Variants in ARIH1 observed in about 807,000 individuals in gnomAD.
The protein encoded by ARIH1 is E3 ubiquitin-protein ligase ARIH1.
A neutral mutation model predicts 85.0 loss-of-function variants in ARIH1; 8 were observed. That is an observed-to-expected ratio of 0.09 (90% confidence interval 0.06 to 0.17). ARIH1 has a LOEUF of 0.17. Ranked by LOEUF, ARIH1 falls within the 10% of genes least tolerant of loss-of-function variation. The probability of loss-of-function intolerance (pLI) is 1.00; values close to 1 mark genes in which losing one functional copy is unlikely to be tolerated. For synonymous variants in ARIH1, 238 were observed against 253.6 expected, an observed-to-expected ratio of 0.94 and a Z score of 0.59; for missense variants, 311 against 718.1, an observed-to-expected ratio of 0.43 and a Z score of 6.48.
intron 9 of ARIH1, among the ~76,000 whole-genome samples, chr15:72,568,179 CAT>C (rs1371840218): frequency 6.6e-6 from 1 of 152,070 alleles, no homozygotes; most frequent in Non-Finnish European, 1.5e-5. Context: ...TCACGATAAG[CAT>C]AACTCACGTC....
chr15:72,599,213 G>A lies in ARIH1; in HGVS notation c.*15921G>A, dbSNP rs555825273. ...AATTTTTGTATTTTTAGTAGAGACA[G>A]GGTTTCACCATGTTGGCCAGGTTGG... On this transcript the variant is annotated 3_prime_UTR_variant, in exon 14 of 14. Coordinates refer to ENST00000379887, the MANE Select transcript of ARIH1 (RefSeq NM_005744.5). 1 of 152,000 alleles carries A rather than the reference G, an allele frequency of 6.6e-6. No individual in the cohort carries two copies. Among genetic ancestry groups the A allele is most frequent in the Non-Finnish European group, 1.5e-5 (1 of 68,024 alleles). The allele number at this position is 152,000 out of a possible 1,614,324, so 9.4% of individuals were successfully genotyped here. A position where few individuals can be genotyped will look rare whatever the true frequency, so the allele number is the denominator to read the frequency against.
At chr15:72,550,330 G>A (rs2064148126) in intron 3 of ARIH1, among the ~76,000 whole-genome samples, 1 of 152,134 alleles carries the variant, frequency 6.6e-6, no homozygotes, top group African/African-American at 2.4e-5. Context: ...AAAAGGTTGA[G>A]ACTTAAAGTG....
intron 1 of ARIH1, among the ~76,000 whole-genome samples, chr15:72,496,081 A>G (rs1287628440): frequency 6.6e-6 from 1 of 152,014 alleles, no homozygotes; most frequent in African/African-American, 2.4e-5. Flanking sequence ...TAATTAAAAA[A>G]AATTTTTTTT....
chr15:72,555,208 C>T, intron 3 of ARIH1, 63 bp from the exon 4 acceptor site: 4 of 1,228,062 alleles, frequency 3.3e-6, no homozygotes, highest in Non-Finnish European at 2.4e-6. Context: ...CCTGTTGAGT[C>T]ACTGTTTATA....
At chr15:72,515,254 T>C (rs2063970013) in intron 1 of ARIH1, among the ~76,000 whole-genome samples, 1 of 152,118 alleles carries the variant, frequency 6.6e-6, no homozygotes, top group Admixed American at 6.5e-5. Context: ...GGAGAATTGC[T>C]TGAACCCGGG....
intron 2 of ARIH1, among the ~76,000 whole-genome samples, chr15:72,524,335 C>T (rs1321072930): frequency 6.6e-6 from 1 of 150,972 alleles, no homozygotes; most frequent in Non-Finnish European, 1.5e-5. Context: ...CAACCTCTGC[C>T]TCCCGGTTCA....
At chr15:72,547,084 C>T (rs550189528) in intron 3 of ARIH1, among the ~76,000 whole-genome samples, 19 of 150,628 alleles carry the variant, frequency 1.3e-4, no homozygotes, top group South Asian at 4.2e-4. Context: ...TCTGCCATCA[C>T]GCCTGGCTGA....
intron 11 of ARIH1, among the ~76,000 whole-genome samples, chr15:72,579,488 C>T (rs892034484): frequency 6.6e-6 from 1 of 152,140 alleles, no homozygotes; most frequent in African/African-American, 2.4e-5. Flanking sequence ...CTGCTTTTTG[C>T]TTGTTTTACA....
At chr15:72,555,127 G>T (rs1364005522) in intron 3 of ARIH1, 144 bp from the exon 4 acceptor site, 2 of 609,810 alleles carry the variant, frequency 3.3e-6, no homozygotes, top group East Asian at 5.6e-5. Flanking sequence ...ACCATGAAAA[G>T]TTCATTTTAG....
intron 3 of ARIH1, among the ~76,000 whole-genome samples, chr15:72,552,572 G>C (rs1313762840): frequency 6.6e-6 from 1 of 152,074 alleles, no homozygotes; most frequent in Non-Finnish European, 1.5e-5. Context: ...TTACAGGCGT[G>C]AGCCACCGTG....
chr15:72,526,860 CTTTTTT>C (rs58241698), intron 2 of ARIH1, among the ~76,000 whole-genome samples: 14 of 138,148 alleles, frequency 1.0e-4, no homozygotes, highest in Middle Eastern at 3.3e-3. Flanking sequence ...CTGTCTAATG[CTTTTTT>C]TTTTTTTTTT....
intron 1 of ARIH1, among the ~76,000 whole-genome samples, chr15:72,477,867 G>A (rs150092178): frequency 1.3e-5 from 2 of 151,998 alleles, no homozygotes; most frequent in African/African-American, 2.4e-5. Context: ...GTGCAGTCGC[G>A]TGATCTCAGC....
intron 9 of ARIH1, 135 bp from the exon 10 acceptor site, chr15:72,570,042 C>A: frequency 1.1e-6 from 1 of 950,994 alleles, no homozygotes; most frequent in African/African-American, 1.7e-5. Flanking sequence ...CAACACTGTT[C>A]TAAGTGCTTT....
intron 2 of ARIH1, among the ~76,000 whole-genome samples, chr15:72,525,779 CCT>C (rs2064024930): frequency 6.6e-6 from 1 of 151,966 alleles, no homozygotes; most frequent in Non-Finnish European, 1.5e-5. Context: ...TTCGGTGACC[CCT>C]GTGTTCCTCC....
chr15:72,547,192 G>C (rs1304301419), intron 3 of ARIH1, among the ~76,000 whole-genome samples: 1 of 151,802 alleles, frequency 6.6e-6, no homozygotes, highest in Non-Finnish European at 1.5e-5. Context: ...ATGCCAAAGT[G>C]CTGGGATTAC....
intron 1 of ARIH1, among the ~76,000 whole-genome samples, chr15:72,491,591 A>G (rs1042587307): frequency 6.6e-6 from 1 of 152,218 alleles, no homozygotes; most frequent in Non-Finnish European, 1.5e-5. Context: ...ATTGATAAAA[A>G]TAAGTCTTGG....
intron 2 of ARIH1, among the ~76,000 whole-genome samples, chr15:72,531,937 TTGTC>T (rs1162740138): frequency 6.6e-6 from 1 of 152,194 alleles, no homozygotes; most frequent in East Asian, 1.9e-4. Context: ...AAGCAACTAT[TTGTC>T]TGTTAAAGGG....
chr15:72,513,723 C>T (rs2063960454), intron 1 of ARIH1, among the ~76,000 whole-genome samples: 1 of 49,886 alleles, frequency 2.0e-5, no homozygotes, highest in Non-Finnish European at 4.0e-5. Flanking sequence ...CTCCCCCTGT[C>T]CCTCCTTCCC....
chr15:72,530,515 G>A (rs908269490), intron 2 of ARIH1, among the ~76,000 whole-genome samples: 15 of 152,156 alleles, frequency 9.9e-5, no homozygotes, highest in African/African-American at 3.4e-4. Context: ...TTGAACTTGG[G>A]TTAAGATAGC....
Sources: gnomAD v4.1 joint callset for allele counts (sites outside exome capture counted in the v4.1 genomes callset) on GRCh38, gnomAD v4.1.1 for gene constraint, MANE v1.5 for transcripts, NCBI Gene and HGNC (gene_info 2026-07-23, HGNC 2026-07-21) for gene names.